SPAG16: variants seen among roughly 807,000 people sequenced by gnomAD.
The protein encoded by SPAG16 is sperm-associated antigen 16 protein.
In SPAG16, 86 loss-of-function variants were observed where a neutral mutation model predicts 80.4. That is an observed-to-expected ratio of 1.07 (90% confidence interval 0.90 to 1.28). SPAG16 has a LOEUF of 1.28. Among genes scored for constraint, SPAG16 ranks in the 50% most tolerant of loss-of-function variants. The probability of loss-of-function intolerance (pLI) is 0.00; values close to 1 mark genes in which losing one functional copy is unlikely to be tolerated. For missense variants in SPAG16, 870 were observed against 765.3 expected (o/e 1.14, Z -1.61); for synonymous variants, 294 against 265.9 (o/e 1.11, Z -1.03).
At chr2:213,588,840 A>AAAAAAAAAAC (rs2060575239) in intron 10 of SPAG16, among the ~76,000 whole-genome samples, 3 of 144,102 alleles carry the variant, frequency 2.1e-5, no homozygotes, top group Admixed American at 6.8e-5. Context: ...AAAAAAAAAA[A>AAAAAAAAAAC]AAAGACTCCC....
At chr2:213,527,972 C>G (rs2075947790) in intron 10 of SPAG16, among the ~76,000 whole-genome samples, 1 of 151,268 alleles carries the variant, frequency 6.6e-6, no homozygotes, top group African/African-American at 2.4e-5. Flanking sequence ...TGAAAAAAAT[C>G]AATAAAAATA....
At chr2:213,954,018 A>G (rs960529017) in intron 12 of SPAG16, among the ~76,000 whole-genome samples, 4 of 152,112 alleles carry the variant, frequency 2.6e-5, no homozygotes, top group Non-Finnish European at 5.9e-5. Flanking sequence ...TTACTCATTT[A>G]AAGTTTACAA....
intron 11 of SPAG16, 128 bp downstream of exon 11, chr2:213,862,756 A>T: frequency 9.8e-7 from 1 of 1,019,580 alleles, no homozygotes. Context: ...ACTGAATTTC[A>T]AAGTGTATAG....
intron 9 of SPAG16, among the ~76,000 whole-genome samples, chr2:213,416,023 G>A (rs2069234325): frequency 6.6e-6 from 1 of 152,212 alleles, no homozygotes; most frequent in Non-Finnish European, 1.5e-5. Context: ...TTGTGAAGAT[G>A]AGATGATGGG....
intron 11 of SPAG16, among the ~76,000 whole-genome samples, chr2:213,917,560 A>G (rs1226753616): frequency 6.6e-6 from 1 of 151,984 alleles, no homozygotes; most frequent in East Asian, 1.9e-4. Flanking sequence ...TGTATTCGTG[A>G]TTTCACTCTC....
At chr2:214,031,445 G>A (rs2048405704) in intron 13 of SPAG16, among the ~76,000 whole-genome samples, 1 of 89,710 alleles carries the variant, frequency 1.1e-5, no homozygotes, top group South Asian at 5.8e-4. Flanking sequence ...TTGTGGGGTG[G>A]GGGGAGGGGG....
At chr2:213,771,815 G>A (rs1385684801) in intron 10 of SPAG16, among the ~76,000 whole-genome samples, 1 of 152,154 alleles carries the variant, frequency 6.6e-6, no homozygotes, top group African/African-American at 2.4e-5. Context: ...TTATGTGTCA[G>A]TTTTGGTACC....
intron 15 of SPAG16, among the ~76,000 whole-genome samples, chr2:214,342,124 C>G (rs1050120368): frequency 1.3e-5 from 2 of 152,038 alleles, no homozygotes; most frequent in African/African-American, 2.4e-5. Flanking sequence ...TTTTAAGGAA[C>G]GATTTTAAGT....
At chr2:214,039,819 G>A (rs2125086200) in intron 13 of SPAG16, among the ~76,000 whole-genome samples, 1 of 152,350 alleles carries the variant, frequency 6.6e-6, no homozygotes, top group Admixed American at 6.5e-5. Flanking sequence ...CCATACCACA[G>A]TGAGATAGAG....
At chr2:213,839,045 G>GA (rs2074240097) in intron 10 of SPAG16, among the ~76,000 whole-genome samples, 2 of 152,146 alleles carry the variant, frequency 1.3e-5, no homozygotes, top group African/African-American at 2.4e-5. Context: ...GTTTGTCATA[G>GA]AAAAAAATAA....
intron 15 of SPAG16, among the ~76,000 whole-genome samples, chr2:214,386,320 T>G (rs529653400): frequency 2.0e-4 from 31 of 152,220 alleles, no homozygotes; most frequent in African/African-American, 7.5e-4. Context: ...GAGGCAGAAG[T>G]GGCAGTGAGG....
At chr2:214,352,672 G>C (rs1293377497) in intron 15 of SPAG16, among the ~76,000 whole-genome samples, 2 of 151,160 alleles carry the variant, frequency 1.3e-5, no homozygotes, top group East Asian at 3.9e-4. Context: ...TACTTTTTGA[G>C]GCTGTTTGAC....
intron 13 of SPAG16, among the ~76,000 whole-genome samples, chr2:214,015,530 G>A (rs756929980): frequency 2.6e-5 from 4 of 151,556 alleles, no homozygotes; most frequent in East Asian, 1.9e-4. Context: ...TCCAGGAGGC[G>A]GAAGTTGCAG....
At chr2:213,591,713 T>C (rs755182663) in intron 10 of SPAG16, among the ~76,000 whole-genome samples, 2 of 152,074 alleles carry the variant, frequency 1.3e-5, no homozygotes, top group Non-Finnish European at 2.9e-5. Context: ...AGGAACAGTG[T>C]GTGTGGCAAG....
chr2:213,488,504 T>C (rs1057128580), intron 9 of SPAG16, among the ~76,000 whole-genome samples: 2 of 152,064 alleles, frequency 1.3e-5, no homozygotes, highest in African/African-American at 4.8e-5. Context: ...GAGACAAAAA[T>C]CACTGAATAA....
intron 10 of SPAG16, among the ~76,000 whole-genome samples, chr2:213,793,309 T>C (rs2070820991): frequency 6.6e-6 from 1 of 152,058 alleles, no homozygotes; most frequent in African/African-American, 2.4e-5. Flanking sequence ...AGATAAACAG[T>C]ACCCCAAACA....
intron 10 of SPAG16, among the ~76,000 whole-genome samples, chr2:213,804,885 T>A (rs1465621462): frequency 1.3e-5 from 2 of 152,190 alleles, no homozygotes; most frequent in African/African-American, 2.4e-5. Context: ...ATTCACGTCG[T>A]GCCTCTTAAG....
At chr2:214,243,469 T>C (rs961243636) in intron 15 of SPAG16, among the ~76,000 whole-genome samples, 1 of 152,128 alleles carries the variant, frequency 6.6e-6, no homozygotes, top group Non-Finnish European at 1.5e-5. Flanking sequence ...CATATGTTAA[T>C]GTAAATCATT....
At chr2:213,299,622 A>G (rs1044417974) in intron 3 of SPAG16, among the ~76,000 whole-genome samples, 3 of 152,040 alleles carry the variant, frequency 2.0e-5, no homozygotes, top group African/African-American at 7.2e-5. Flanking sequence ...TAGATTAAAT[A>G]TTTGAGAATT....
Sources: gnomAD v4.1 joint callset for allele counts (sites outside exome capture counted in the v4.1 genomes callset) on GRCh38, gnomAD v4.1.1 for gene constraint, MANE v1.5 for transcripts, NCBI Gene and HGNC (gene_info 2026-07-23, HGNC 2026-07-21) for gene names.